The following AGK variants were observed in gnomAD, a reference collection of about 807,000 sequenced individuals.
The protein encoded by AGK is acylglycerol kinase.
Under a neutral mutation model 66.4 loss-of-function variants are expected in AGK, and 52 were observed. The observed-to-expected ratio is 0.78, with a 90% CI of 0.63 to 0.99. AGK has a LOEUF of 0.99. AGK is among the 50% of genes least tolerant of loss of function. The pLI is 0.00. For missense variants in AGK, 451 were observed against 506.6 expected (o/e 0.89, Z 1.05); for synonymous variants, 182 against 181.1 (o/e 1.00, Z -0.04).
intron 5 of AGK, among the ~76,000 whole-genome samples, chr7:141,602,510 T>C (rs958371010): frequency 3.9e-5 from 6 of 152,170 alleles, no homozygotes; most frequent in Non-Finnish European, 7.3e-5. Context: ...ATTTAACTTT[T>C]AAATTTCTAT....
At chr7:141,621,576 G>C (rs1796825579) in intron 8 of AGK, among the ~76,000 whole-genome samples, 156 bp from the exon 9 acceptor site, 1 of 152,022 alleles carries the variant, frequency 6.6e-6, no homozygotes, top group South Asian at 2.1e-4. Context: ...GCAGGAGGGA[G>C]GGAGAGAGGG....
chr7:141,646,112 C>A (rs1797405491), intron 13 of AGK, among the ~76,000 whole-genome samples: 1 of 152,032 alleles, frequency 6.6e-6, no homozygotes, highest in Admixed American at 6.5e-5. Context: ...GTTGAGGGGT[C>A]TTTGAGAATT....
intron 13 of AGK, among the ~76,000 whole-genome samples, chr7:141,646,284 A>G (rs1364940659): frequency 6.6e-6 from 1 of 152,092 alleles, no homozygotes; most frequent in Non-Finnish European, 1.5e-5. Flanking sequence ...CACCCGAGAT[A>G]GAGGTTGAGT....
chr7:141,628,336 G>A (rs956140108), intron 9 of AGK, among the ~76,000 whole-genome samples: 6 of 152,292 alleles, frequency 3.9e-5, no homozygotes, highest in South Asian at 2.1e-4. Context: ...CCTAGAAAAC[G>A]TGGTACAACA....
chr7:141,638,166 G>T (rs181428255), intron 11 of AGK, among the ~76,000 whole-genome samples: 6 of 152,314 alleles, frequency 3.9e-5, no homozygotes, highest in African/African-American at 9.6e-5. Context: ...GGAGGGAAGT[G>T]TAAGTAAATC....
Position 141,653,035 on chromosome 7 carries a change from T to C in AGK, c.*111T>C. 6 of 1,373,948 alleles carry C rather than the reference T, an allele frequency of 4.4e-6. No homozygotes were observed. In the South Asian group the frequency reaches 7.9e-5, roughly 18 times the overall value. 85.1% of individuals were successfully genotyped at this position (1,373,948 alleles called of 1,614,324 possible). A position where few individuals can be genotyped will look rare whatever the true frequency, so the allele number is the denominator to read the frequency against. On this transcript the variant is annotated 3_prime_UTR_variant, in exon 16 of 16. Coordinates refer to ENST00000649286, the MANE Select transcript of AGK (RefSeq NM_018238.4). ...GTCGTCAGAGGGTCCCCAGGGCATT[T>C]TCATGGCAAGTACCCCTCTGCCCCC...
At chr7:141,590,431 G>A (rs994654682) in intron 2 of AGK, among the ~76,000 whole-genome samples, 3 of 152,186 alleles carry the variant, frequency 2.0e-5, no homozygotes, top group Non-Finnish European at 2.9e-5. Flanking sequence ...TCTACTAAAG[G>A]AAAGCATTGA....
At chr7:141,587,127 T>C (rs1176124967) in intron 2 of AGK, among the ~76,000 whole-genome samples, 2 of 152,202 alleles carry the variant, frequency 1.3e-5, no homozygotes, top group African/African-American at 4.8e-5. Flanking sequence ...TGGTACTGCC[T>C]TCCAGCAATT....
intron 10 of AGK, among the ~76,000 whole-genome samples, chr7:141,635,680 T>C (rs1485976092): frequency 6.6e-6 from 1 of 152,188 alleles, no homozygotes; most frequent in Admixed American, 6.5e-5. Context: ...CTGACTGTTA[T>C]CCTATTTCCC....
intron 9 of AGK, among the ~76,000 whole-genome samples, chr7:141,624,241 T>C (rs1796887648): frequency 6.6e-6 from 1 of 152,110 alleles, no homozygotes; most frequent in African/African-American, 2.4e-5. Context: ...TATTATTTAA[T>C]AAATAAATTG....
intron 12 of AGK, among the ~76,000 whole-genome samples, 165 bp downstream of exon 12, chr7:141,641,563 T>C (rs1044451832): frequency 3.9e-5 from 6 of 152,202 alleles, no homozygotes; most frequent in African/African-American, 1.4e-4. Context: ...CCAAGCAATG[T>C]GCCATCAATG....
At chr7:141,583,618 C>A (rs537315103) in intron 2 of AGK, among the ~76,000 whole-genome samples, 156 of 152,036 alleles carry the variant, frequency 1.0e-3, no homozygotes, top group Middle Eastern at 6.8e-3. Context: ...AGGAAGGTGT[C>A]CCCATGGTTA....
At chr7:141,579,269 A>G (rs949734169) in intron 2 of AGK, among the ~76,000 whole-genome samples, 1 of 152,048 alleles carries the variant, frequency 6.6e-6, no homozygotes, top group Non-Finnish European at 1.5e-5. Flanking sequence ...TTTTTAAAAG[A>G]CCATTAGTCC....
intron 2 of AGK, among the ~76,000 whole-genome samples, chr7:141,559,274 T>G (rs534708329): frequency 1.3e-5 from 2 of 152,284 alleles, no homozygotes; most frequent in Middle Eastern, 3.4e-3. Context: ...TTAACAGATT[T>G]TGAGTTAATT....
intron 2 of AGK, among the ~76,000 whole-genome samples, chr7:141,585,584 C>A (rs1193329516): frequency 6.6e-6 from 1 of 152,120 alleles, no homozygotes; most frequent in African/African-American, 2.4e-5. Context: ...CAATTTGCCT[C>A]TAGACTGTAG....
At chr7:141,644,298 GC>G in intron 13 of AGK, among the ~76,000 whole-genome samples, 1 of 152,216 alleles carries the variant, frequency 6.6e-6, no homozygotes, top group East Asian at 1.9e-4. Context: ...CTCAAGATTA[GC>G]CACACTCACA....
intron 3 of AGK, among the ~76,000 whole-genome samples, chr7:141,594,362 T>C (rs1432847569): frequency 6.6e-6 from 1 of 151,904 alleles, no homozygotes; most frequent in East Asian, 2.0e-4. Context: ...GTCCAGCTAA[T>C]TTTTGTATTT....
intron 8 of AGK, among the ~76,000 whole-genome samples, chr7:141,620,497 G>A (rs1265198004): frequency 6.7e-6 from 1 of 149,060 alleles, no homozygotes; most frequent in Non-Finnish European, 1.5e-5. Flanking sequence ...AGGACATAGG[G>A]CAAACTGCTG....
intron 13 of AGK, among the ~76,000 whole-genome samples, chr7:141,644,637 A>C (rs1450442498): frequency 6.6e-6 from 1 of 152,198 alleles, no homozygotes; most frequent in Non-Finnish European, 1.5e-5. Context: ...CATTTATTAA[A>C]AGTCATATCT....
Sources: gnomAD v4.1 joint callset for allele counts (sites outside exome capture counted in the v4.1 genomes callset) on GRCh38, gnomAD v4.1.1 for gene constraint, MANE v1.5 for transcripts, NCBI Gene and HGNC (gene_info 2026-07-23, HGNC 2026-07-21) for gene names.